ATP10B: variants seen among roughly 807,000 people sequenced by gnomAD.
The protein encoded by ATP10B is ATPase phospholipid transporting 10B (putative).
A neutral mutation model predicts 141.2 loss-of-function variants in ATP10B; 122 were observed. The observed-to-expected ratio is 0.86, with a 90% CI of 0.75 to 1.00. The LOEUF (loss-of-function observed/expected upper bound fraction) is 1.00, where lower values mean the gene tolerates loss of function less well. Among genes scored for constraint, ATP10B ranks in the 50% least tolerant of loss-of-function variants. The pLI, the probability that ATP10B is intolerant of heterozygous loss-of-function variation, is 0.00. For synonymous variants in ATP10B, 685 were observed against 692.0 expected, an observed-to-expected ratio of 0.99 and a Z score of 0.16; for missense variants, 1,876 against 1,825.3, an observed-to-expected ratio of 1.03 and a Z score of -0.51.
chr5:160,912,349 G>T, the ATP10B span, among the ~76,000 whole-genome samples: 1 of 150,588 alleles, frequency 6.6e-6, no homozygotes, highest in Non-Finnish European at 1.5e-5. Context: ...GACTGAAGAG[G>T]GTGGATCACT....
chr5:160,696,928 G>A (rs1160880198), intron 3 of ATP10B, among the ~76,000 whole-genome samples: 1 of 152,130 alleles, frequency 6.6e-6, no homozygotes, highest in African/African-American at 2.4e-5. Flanking sequence ...CCATCACTTA[G>A]TCTTTTACTG....
At chr5:160,872,369 C>T in the ATP10B span, among the ~76,000 whole-genome samples, 356 of 152,264 alleles carry the variant, frequency 2.3e-3, 1 homozygote, top group Non-Finnish European at 3.3e-3. Flanking sequence ...CAAGCAAAAG[C>T]TTTTTAGTTT....
At chr5:160,624,460 A>G (rs2127653378) in intron 13 of ATP10B, among the ~76,000 whole-genome samples, 1 of 152,334 alleles carries the variant, frequency 6.6e-6, no homozygotes, top group South Asian at 2.1e-4. Context: ...TTCCAGAAAA[A>G]AAGTCTACTT....
intron 24 of ATP10B, among the ~76,000 whole-genome samples, chr5:160,578,848 G>A (rs1755363184): frequency 6.6e-6 from 1 of 152,162 alleles, no homozygotes; most frequent in Non-Finnish European, 1.5e-5. Context: ...ATCATCTGTT[G>A]TTTCCTGACG....
the ATP10B span, among the ~76,000 whole-genome samples, chr5:160,911,328 A>G: frequency 2.2e-3 from 341 of 152,322 alleles, no homozygotes; most frequent in African/African-American, 7.9e-3. Flanking sequence ...CACATACCCT[A>G]GGTTTTAAAA....
chr5:160,833,811 G>A (rs549418740), intron 1 of ATP10B, among the ~76,000 whole-genome samples: 13 of 152,174 alleles, frequency 8.5e-5, no homozygotes, highest in South Asian at 6.2e-4. Flanking sequence ...GTGAGAAGAC[G>A]CGTTTTAAAT....
At chr5:160,576,802 C>T (rs879699671) in intron 24 of ATP10B, among the ~76,000 whole-genome samples, 2 of 152,194 alleles carry the variant, frequency 1.3e-5, no homozygotes, top group Admixed American at 1.3e-4. Flanking sequence ...GGAAGCATCA[C>T]TGGTGATGCC....
At chr5:160,802,812 G>A (rs1341861226) in intron 1 of ATP10B, among the ~76,000 whole-genome samples, 1 of 152,210 alleles carries the variant, frequency 6.6e-6, no homozygotes, top group Non-Finnish European at 1.5e-5. Flanking sequence ...ATCAGAGTGT[G>A]TGTGGGGATG....
In ATP10B at chr5:160,808,461, T is replaced by A. The variant is rs188338020; in HGVS notation, c.-575-22658A>T. Among the ~76,000 whole-genome samples the A allele has an allele frequency of 2.6e-5, 4 of 152,300 alleles. No homozygotes were observed. The East Asian group carries it at 7.7e-4, about 29-fold the overall frequency. ...TTTTGTGGACAAATTTGACTTTGTG[T>A]GTTCTGTTTTTGCTAATCATTTATC... On this transcript the variant is annotated intron_variant, in intron 1 of 25. Coordinates refer to ENST00000327245, the MANE Select transcript of ATP10B (RefSeq NM_025153.3).
At chr5:160,719,399 C>CA (rs1036011036) in intron 2 of ATP10B, among the ~76,000 whole-genome samples, 1 of 152,062 alleles carries the variant, frequency 6.6e-6, no homozygotes, top group African/African-American at 2.4e-5. Context: ...GACTCCGTCT[C>CA]AAAAAAAGTA....
intron 7 of ATP10B, among the ~76,000 whole-genome samples, chr5:160,650,064 G>A (rs147752496): frequency 0.027 from 4,009 of 151,138 alleles, 159 homozygotes; most frequent in African/African-American, 0.086. Context: ...AGCCAAGATC[G>A]CGCCACTGCA....
intron 13 of ATP10B, among the ~76,000 whole-genome samples, chr5:160,627,524 G>A (rs1052527120): frequency 6.6e-6 from 1 of 152,170 alleles, no homozygotes; most frequent in Non-Finnish European, 1.5e-5. Flanking sequence ...TTGTTGGTGA[G>A]TGTCTCAACT....
intron 24 of ATP10B, among the ~76,000 whole-genome samples, chr5:160,585,390 G>A (rs62391601): frequency 0.4 from 60,091 of 152,030 alleles, 13,874 homozygotes; most frequent in Non-Finnish European, 0.53. Context: ...GGATCACGAG[G>A]TCAGGAGATT....
chr5:160,569,580 GGATTGGTGGGGCT>G lies in ATP10B; in HGVS notation c.3841_3853del (p.Ser1281ProfsTer4). ...GAGCTGGCCTTCCATCACCCAATAG[GGATTGGTGGGGCT>G]GTTGCAGATGACGCAGGTGGCATTG... On this transcript the variant is annotated frameshift_variant, in exon 25 of 26. Transcript: ENST00000327245. LOFTEE classifies it high-confidence loss of function. 1.9e-6 allele frequency: 3 copies of G among 1,613,840 alleles called. No homozygotes were observed. The highest frequency in any genetic ancestry group is 2.5e-6 in the Non-Finnish European group (3 of 1,179,832).
In ATP10B at chr5:160,604,008, G is replaced by C; in HGVS notation, c.3194C>G (p.Ala1065Gly). 6.2e-7 allele frequency: 1 copy of C among 1,613,914 alleles called. No individual in the cohort carries two copies. The highest frequency in any genetic ancestry group is 1.3e-5 in the African/African-American group (1 of 75,034). Residue 1065 changes from alanine (A) to glycine (G), a missense_variant, in exon 20 of 26, where the codon GCT (alanine) becomes GGT (glycine). Coordinates refer to ENST00000327245, the MANE Select transcript of ATP10B (RefSeq NM_025153.3). ...DGANDVSMIQAADIGIGISGQ... is the reference protein window; with the variant it reads ...DGANDVSMIQGADIGIGISGQ... Reference sequence around the variant, plus strand: ...AGATATTCCAATTCCAATATCAGCAGCTTGAATCATGCTTACATCATTTGC... The same window carrying C: ...AGATATTCCAATTCCAATATCAGCACCTTGAATCATGCTTACATCATTTGC...
intron 24 of ATP10B, among the ~76,000 whole-genome samples, chr5:160,581,135 G>T (rs900012887): frequency 6.6e-6 from 1 of 152,014 alleles, no homozygotes; most frequent in Non-Finnish European, 1.5e-5. Context: ...AGGGTTTTTT[G>T]TGTTTCTATC....
intron 1 of ATP10B, among the ~76,000 whole-genome samples, chr5:160,786,718 T>C (rs1244104228): frequency 1.3e-5 from 2 of 152,136 alleles, no homozygotes; most frequent in Non-Finnish European, 2.9e-5. Flanking sequence ...GGAGATAATC[T>C]ATATTATTTT....
rs1456254053 is a variant in ATP10B, at chr5:160,589,591, C to T, written c.3750+1G>A. On this transcript the variant is annotated splice_donor_variant, in intron 24 of 25. Coordinates refer to ENST00000327245, the MANE Select transcript of ATP10B (RefSeq NM_025153.3). LOFTEE classifies it high-confidence loss of function. Reference sequence around the variant, plus strand: ...AGCCAAAGGGGCTCTGGGACACTTACCCATGTCTTCATTTCCATTGCCTGG... The same window carrying T: ...AGCCAAAGGGGCTCTGGGACACTTATCCATGTCTTCATTTCCATTGCCTGG... 1 of 1,611,922 alleles carries T rather than the reference C, an allele frequency of 6.2e-7. No homozygotes were observed. The highest frequency in any genetic ancestry group is 1.3e-5 in the African/African-American group (1 of 74,864).
At chr5:160,882,635 A>T in the ATP10B span, among the ~76,000 whole-genome samples, 3 of 152,108 alleles carry the variant, frequency 2.0e-5, no homozygotes, top group African/African-American at 7.2e-5. Flanking sequence ...AACCCTCCTG[A>T]AAACAAGAAG....
Sources: gnomAD v4.1 joint callset for allele counts (sites outside exome capture counted in the v4.1 genomes callset) on GRCh38, gnomAD v4.1.1 for gene constraint, MANE v1.5 for transcripts, NCBI Gene and HGNC (gene_info 2026-07-23, HGNC 2026-07-21) for gene names.